The following B3GALT1 variants were observed in gnomAD, a reference collection of about 807,000 sequenced individuals.
The protein encoded by B3GALT1 is beta-1,3-galactosyltransferase 1.
Under a neutral mutation model 23.2 loss-of-function variants are expected in B3GALT1, and 10 were observed. The observed-to-expected ratio is 0.43, with a 90% CI of 0.27 to 0.73. The LOEUF is 0.73. Among genes scored for constraint, B3GALT1 ranks in the 30% least tolerant of loss-of-function variants. B3GALT1 has a pLI of 0.21. For synonymous variants in B3GALT1, 156 were observed against 141.5 expected, an observed-to-expected ratio of 1.10 and a Z score of -0.73; for missense variants, 299 against 405.4, an observed-to-expected ratio of 0.74 and a Z score of 2.25.
At chr2:167,854,571 A>G (rs1284437462) in intron 4 of B3GALT1, among the ~76,000 whole-genome samples, 1 of 152,204 alleles carries the variant, frequency 6.6e-6, no homozygotes, top group Non-Finnish European at 1.5e-5. Flanking sequence ...TGGAACATCC[A>G]AATAACCAGA....
chr2:167,646,434 C>T (rs1685749286), intron 2 of B3GALT1, among the ~76,000 whole-genome samples: 1 of 152,196 alleles, frequency 6.6e-6, no homozygotes, highest in Non-Finnish European at 1.5e-5. Context: ...CCTCTTCCTT[C>T]TCCTAGTGCC....
chr2:167,450,845 G>A (rs544418363), intron 1 of B3GALT1, among the ~76,000 whole-genome samples: 5 of 152,120 alleles, frequency 3.3e-5, no homozygotes, highest in African/African-American at 1.2e-4. Context: ...CTTAGGTTTG[G>A]TTGCTTAACA....
In B3GALT1 at chr2:167,668,973, T is replaced by C. The variant is rs1574202438; in HGVS notation, c.-352+22007T>C. Among the ~76,000 whole-genome samples, 4 of 152,302 alleles carry C rather than the reference T, an allele frequency of 2.6e-5. 1 individual carries two copies. The East Asian group carries it at 7.7e-4, about 29-fold the overall frequency. On this transcript the variant is annotated intron_variant, in intron 3 of 4. Transcript: ENST00000392690. Reference sequence around the variant, plus strand: ...CCTATTTGGCCATCCTATCCCATTCTCTAATGTCACTTTCCAATGAGGCCT... The same window carrying C: ...CCTATTTGGCCATCCTATCCCATTCCCTAATGTCACTTTCCAATGAGGCCT...
chr2:167,561,715 A>T (rs1318020951), intron 2 of B3GALT1, among the ~76,000 whole-genome samples: 1 of 152,252 alleles, frequency 6.6e-6, no homozygotes, highest in African/African-American at 2.4e-5. Flanking sequence ...GAAGAAATGG[A>T]TAAATTCCTT....
intron 3 of B3GALT1, among the ~76,000 whole-genome samples, chr2:167,779,439 G>A (rs1688212782): frequency 6.6e-6 from 1 of 152,196 alleles, no homozygotes; most frequent in African/African-American, 2.4e-5. Flanking sequence ...TATGACAGGT[G>A]CATTTTCTTT....
chr2:167,346,983 A>T (rs1443923858), intron 1 of B3GALT1, among the ~76,000 whole-genome samples: 1 of 152,176 alleles, frequency 6.6e-6, no homozygotes, highest in African/African-American at 2.4e-5. Flanking sequence ...ATATAAATGT[A>T]GTTATTATTT....
At chr2:167,736,747 A>G (rs190986357) in intron 3 of B3GALT1, among the ~76,000 whole-genome samples, 5 of 152,308 alleles carry the variant, frequency 3.3e-5, no homozygotes, top group African/African-American at 1.2e-4. Context: ...ACTAAAAAAA[A>G]GAAAGAAAAA....
intron 1 of B3GALT1, among the ~76,000 whole-genome samples, chr2:167,397,140 G>A (rs2105286731): frequency 6.6e-6 from 1 of 152,020 alleles, no homozygotes; most frequent in Non-Finnish European, 1.5e-5. Context: ...TATACTCTTA[G>A]GTGAAATCTG....
chr2:167,503,921 C>A (rs1415281277), intron 2 of B3GALT1, among the ~76,000 whole-genome samples: 1 of 152,086 alleles, frequency 6.6e-6, no homozygotes, highest in Non-Finnish European at 1.5e-5. Flanking sequence ...TTCTTATATT[C>A]TAGGTGTCTT....
At chr2:167,367,135 C>CA (rs1190727175) in intron 1 of B3GALT1, among the ~76,000 whole-genome samples, 5 of 152,140 alleles carry the variant, frequency 3.3e-5, no homozygotes, top group African/African-American at 1.2e-4. Flanking sequence ...TCAACAAAGA[C>CA]AGAGACGTAT....
At chr2:167,434,703 A>G (rs1238147303) in intron 1 of B3GALT1, among the ~76,000 whole-genome samples, 1 of 127,270 alleles carries the variant, frequency 7.9e-6, no homozygotes, top group Non-Finnish European at 1.7e-5. Context: ...AACTTAATCT[A>G]TGAATGACCC....
chr2:167,825,509 A>G (rs114950549), intron 4 of B3GALT1, among the ~76,000 whole-genome samples: 5,200 of 148,470 alleles, frequency 0.035, 315 homozygotes, highest in African/African-American at 0.12. Context: ...TATAAATTAT[A>G]TATACATATA....
rs553534610 is a variant in B3GALT1 at position 167,429,567 on chromosome 2, A to T, written c.-510-60610A>T. 7.9e-4 allele frequency among the ~76,000 whole-genome samples: 120 copies of T among 151,908 alleles called. 1 individual carries two copies. Among genetic ancestry groups the T allele is most frequent in the South Asian group, 3.9e-3 (19 of 4,814 alleles). On this transcript the variant is annotated intron_variant, in intron 1 of 4. Transcript: ENST00000392690. ...GGGTAAATTATCTCAAATAGTGAAAATTTTTTTTTATTTAAAAGAAAAAAT... is the reference window on the plus strand; with the variant it reads ...GGGTAAATTATCTCAAATAGTGAAATTTTTTTTTTATTTAAAAGAAAAAAT...
intron 1 of B3GALT1, among the ~76,000 whole-genome samples, chr2:167,303,644 TACACACACAC>T (rs61323885): frequency 0.014 from 1,977 of 144,520 alleles, 27 homozygotes; most frequent in Admixed American, 0.036. Context: ...AACACACACA[TACACACACAC>T]ACACACACAC....
In B3GALT1 at chr2:167,657,697, A is replaced by G. The variant is rs144661399; in HGVS notation, c.-352+10731A>G. Reference sequence around the variant, plus strand: ...GGCTGATAGTGATCAGTACCTATCAATAGTGATAGGTACTGTGGTGTGTAA... The same window carrying G: ...GGCTGATAGTGATCAGTACCTATCAGTAGTGATAGGTACTGTGGTGTGTAA... On this transcript the variant is annotated intron_variant, in intron 3 of 4. Transcript: ENST00000392690. Among the ~76,000 whole-genome samples, 142 of 152,242 alleles carry G rather than the reference A, an allele frequency of 9.3e-4. 3 individuals are homozygous for G. Among genetic ancestry groups the G allele is most frequent in the African/African-American group, 3.1e-3 (128 of 41,562 alleles).
intron 2 of B3GALT1, among the ~76,000 whole-genome samples, chr2:167,566,867 C>T (rs892484426): frequency 6.6e-6 from 1 of 152,152 alleles, no homozygotes; most frequent in Admixed American, 6.5e-5. Flanking sequence ...TAAAATTGGT[C>T]TCTCCCCTTA....
chr2:167,545,894 G>C (rs577862569), intron 2 of B3GALT1, among the ~76,000 whole-genome samples: 3 of 152,162 alleles, frequency 2.0e-5, no homozygotes, highest in Non-Finnish European at 2.9e-5. Context: ...TTGCATATAC[G>C]TAATGAGTTA....
intron 3 of B3GALT1, among the ~76,000 whole-genome samples, chr2:167,801,942 G>A (rs1306551169): frequency 6.6e-6 from 1 of 152,204 alleles, no homozygotes; most frequent in Non-Finnish European, 1.5e-5. Flanking sequence ...GAGTTACACT[G>A]AGGAGAAGCC....
intron 3 of B3GALT1, among the ~76,000 whole-genome samples, chr2:167,653,938 T>C (rs2105466414): frequency 6.6e-6 from 1 of 152,258 alleles, no homozygotes; most frequent in South Asian, 2.1e-4. Context: ...AAGTTACCTA[T>C]TCACAGTAGA....
Sources: gnomAD v4.1 joint callset for allele counts (sites outside exome capture counted in the v4.1 genomes callset) on GRCh38, gnomAD v4.1.1 for gene constraint, MANE v1.5 for transcripts, NCBI Gene and HGNC (gene_info 2026-07-23, HGNC 2026-07-21) for gene names.